The following COL28A1 variants were observed in gnomAD, a reference collection of about 807,000 sequenced individuals.
COL28A1 encodes collagen alpha-1(XXVIII) chain.
Under a neutral mutation model 150.2 loss-of-function variants are expected in COL28A1, and 161 were observed. That is an observed-to-expected ratio of 1.07 (90% CI 0.94 to 1.22). The LOEUF (loss-of-function observed/expected upper bound fraction) is 1.22, where lower values mean the gene tolerates loss of function less well. Ranked by LOEUF, COL28A1 falls within the 50% of genes most tolerant of loss-of-function variation. The pLI, the probability that COL28A1 is intolerant of heterozygous loss-of-function variation, is 0.00. For missense variants in COL28A1, 1,617 were observed against 1,388.3 expected (o/e 1.16, Z -2.62); for synonymous variants, 552 against 469.7 (o/e 1.18, Z -2.26).
intron 22 of COL28A1, 128 bp downstream of exon 22, chr7:7,437,266 T>C (rs1300016971): frequency 2.2e-6 from 3 of 1,388,296 alleles, no homozygotes; most frequent in Non-Finnish European, 2.8e-6. Context: ...CTGTGAAGTT[T>C]CAGAGTTAAA....
chr7:7,492,014 GA>G (rs1338499557), intron 11 of COL28A1, among the ~76,000 whole-genome samples: 2 of 152,110 alleles, frequency 1.3e-5, no homozygotes, highest in African/African-American at 4.8e-5. Flanking sequence ...TGCTAAGGAA[GA>G]TTGCTGAACA....
chr7:7,531,646 C>T lies in COL28A1; in HGVS notation c.383G>A (p.Gly128Glu). 6.2e-7 allele frequency: 1 copy of T among 1,601,482 alleles called. No individual in the cohort carries two copies. Among genetic ancestry groups the T allele is most frequent in the South Asian group, 1.1e-5 (1 of 90,828 alleles). Residue 128 changes from glycine to glutamate, a missense_variant, in exon 3 of 35, where the codon GGG becomes GAG. Transcript: ENST00000399429. ...GGCATAATAAGAGAAGGTACCTTGC[C>T]CTATTAAATTCATAGACTTGACCTT... ...KQKVKSMNLI[G>E]QGTFSYYAIS...
At chr7:7,537,763 C>A (rs1467250370), upstream of COL28A1, among the ~76,000 whole-genome samples, 1 of 152,114 alleles carries the variant, frequency 6.6e-6, no homozygotes, top group East Asian at 1.9e-4. Context: ...GCAGAAATAA[C>A]AACGGAATTT....
intron 18 of COL28A1, 93 bp downstream of exon 18, chr7:7,452,226 A>T: frequency 1.3e-6 from 2 of 1,527,888 alleles, no homozygotes; most frequent in Non-Finnish European, 1.7e-6. Flanking sequence ...GTTAGATAAC[A>T]CACACAGAGT....
At chr7:7,405,224 G>A (rs56282579) in intron 27 of COL28A1, among the ~76,000 whole-genome samples, 2,252 of 152,210 alleles carry the variant, frequency 0.015, 52 homozygotes, top group African/African-American at 0.051. Flanking sequence ...TATTTTGAAG[G>A]ACATATTAGC....
chr7:7,366,678 AAAG>A (rs927158768), intron 33 of COL28A1, among the ~76,000 whole-genome samples: 41 of 148,128 alleles, frequency 2.8e-4, no homozygotes, highest in African/African-American at 1.0e-3. Flanking sequence ...ATTTTGGTAG[AAAG>A]AAGAAGAGGA....
Position 7,380,704 on chromosome 7 carries a change from T to C in COL28A1, c.2287-9A>G, listed in dbSNP as rs572637377. On this transcript the variant is annotated splice_polypyrimidine_tract_variant and intron_variant, in intron 29 of 34. Coordinates refer to ENST00000399429, the MANE Select transcript of COL28A1 (RefSeq NM_001037763.3). Reference sequence around the variant, plus strand: ...TTGGGTCCTTGTAAACCCTACTTAGTGGAAGAAGAGTAAAAGTCAATATAG... The same window carrying C: ...TTGGGTCCTTGTAAACCCTACTTAGCGGAAGAAGAGTAAAAGTCAATATAG... 2 of 1,613,658 alleles carry C rather than the reference T, an allele frequency of 1.2e-6. No individual in the cohort carries two copies. Among genetic ancestry groups the C allele is most frequent in the East Asian group, 4.5e-5 (2 of 44,870 alleles).
intron 8 of COL28A1, 57 bp from the exon 9 acceptor site, chr7:7,511,192 G>T (rs1420286084): frequency 8.1e-6 from 11 of 1,353,026 alleles, no homozygotes; most frequent in Admixed American, 3.5e-5. Flanking sequence ...TCACTATTAA[G>T]AATGTTTGTT....
chr7:7,535,100 T>G (rs1282782530), intron 1 of COL28A1, among the ~76,000 whole-genome samples: 2 of 152,246 alleles, frequency 1.3e-5, no homozygotes, highest in East Asian at 3.9e-4. Context: ...ACAAGCAAAA[T>G]AGGTTTCAGA....
intron 27 of COL28A1, among the ~76,000 whole-genome samples, chr7:7,382,099 C>T (rs1781904448): frequency 6.6e-6 from 1 of 152,138 alleles, no homozygotes; most frequent in South Asian, 2.1e-4. Context: ...CACCTGAGGT[C>T]ATGAGTTTGA....
intron 32 of COL28A1, 81 bp downstream of exon 32, chr7:7,372,916 AT>A (rs1376587415): frequency 2.7e-5 from 32 of 1,193,814 alleles, no homozygotes; most frequent in Admixed American, 4.5e-5. Context: ...AGATTTTTCT[AT>A]TTGGTCAGGA....
rs35473859 is a variant in COL28A1 at position 7,472,342 on chromosome 7, A to G, written c.1302+2259T>C. 4.6e-3 allele frequency among the ~76,000 whole-genome samples: 707 copies of G among 152,258 alleles called. 5 individuals carry two copies. The highest frequency in any genetic ancestry group is 0.022 in the East Asian group (114 of 5,180). On this transcript the variant is annotated intron_variant, in intron 15 of 34. Transcript: ENST00000399429. ...CAAAGTTTCCAGATACAAAATTAAT[A>G]TACACAAATCAGTAGCTCTTCTATA...
chr7:7,477,933 C>T (rs532588418), intron 13 of COL28A1, among the ~76,000 whole-genome samples: 8 of 152,124 alleles, frequency 5.3e-5, no homozygotes, highest in East Asian at 1.9e-4. Context: ...CTGATTGGTG[C>T]GTTTACAATC....
intron 13 of COL28A1, among the ~76,000 whole-genome samples, chr7:7,483,201 T>A (rs1434160088): frequency 6.6e-6 from 1 of 152,164 alleles, no homozygotes; most frequent in Admixed American, 6.6e-5. Context: ...TGCATCCTCA[T>A]AAAGTAAAAA....
At chr7:7,418,844 T>C (rs1211717767) in intron 26 of COL28A1, among the ~76,000 whole-genome samples, 1 of 152,160 alleles carries the variant, frequency 6.6e-6, no homozygotes, top group Non-Finnish European at 1.5e-5. Context: ...CTTGGGGGGA[T>C]CTTCATCCAT....
intron 27 of COL28A1, among the ~76,000 whole-genome samples, chr7:7,396,964 A>G (rs1241852523): frequency 6.6e-6 from 1 of 152,226 alleles, no homozygotes; most frequent in African/African-American, 2.4e-5. Flanking sequence ...AGCCATGTAC[A>G]GCAAGGGTTT....
intron 27 of COL28A1, among the ~76,000 whole-genome samples, chr7:7,393,758 G>A (rs1782680223): frequency 6.6e-6 from 1 of 152,086 alleles, no homozygotes; most frequent in Non-Finnish European, 1.5e-5. Flanking sequence ...ATTGTGAGGG[G>A]AAAAGTGGAC....
intron 15 of COL28A1, among the ~76,000 whole-genome samples, chr7:7,458,417 C>CAA (rs780945367): frequency 7.1e-6 from 1 of 141,830 alleles, no homozygotes; most frequent in African/African-American, 2.6e-5. Flanking sequence ...ACTCTTGTCT[C>CAA]AAAAAAAAAC....
At chr7:7,461,608 C>T (rs895704366) in intron 15 of COL28A1, among the ~76,000 whole-genome samples, 2 of 152,124 alleles carry the variant, frequency 1.3e-5, no homozygotes, top group African/African-American at 4.8e-5. Flanking sequence ...ACTATGACTG[C>T]TGGCTTTCCC....
Sources: allele counts gnomAD v4.1 joint callset (sites outside exome capture counted in the v4.1 genomes callset), GRCh38; gene constraint gnomAD v4.1.1; transcripts MANE v1.5; gene names NCBI Gene and HGNC (gene_info 2026-07-23, HGNC 2026-07-21).